Variants in CYP7B1 observed in about 807,000 individuals in gnomAD.
CYP7B1 encodes cytochrome P450 family 7 subfamily B member 1.
CYP7B1 carries 29 observed loss-of-function variants against 42.7 expected under a neutral mutation model. That is an observed-to-expected ratio of 0.68 (90% CI 0.51 to 0.93). The LOEUF (loss-of-function observed/expected upper bound fraction) is 0.93, where lower values mean the gene tolerates loss of function less well. Ranked by LOEUF, CYP7B1 falls within the 40% of genes least tolerant of loss-of-function variation. CYP7B1 has a pLI of 0.00. For synonymous variants in CYP7B1, 235 were observed against 218.2 expected, an observed-to-expected ratio of 1.08 and a Z score of -0.68; for missense variants, 655 against 600.5, an observed-to-expected ratio of 1.09 and a Z score of -0.95.
intron 1 of CYP7B1, among the ~76,000 whole-genome samples, chr8:64,701,679 T>C (rs779473913): frequency 3.0e-4 from 45 of 152,026 alleles, no homozygotes; most frequent in African/African-American, 1.0e-3. Context: ...AAAACAGAGA[T>C]AGGCAAGGAG....
intron 2 of CYP7B1, among the ~76,000 whole-genome samples, chr8:64,623,176 G>A (rs568104389): frequency 6.6e-6 from 1 of 152,298 alleles, no homozygotes; most frequent in South Asian, 2.1e-4. Context: ...CCCATGCAAT[G>A]TGACTCTGCT....
intron 1 of CYP7B1, among the ~76,000 whole-genome samples, chr8:64,699,165 G>C (rs1806875812): frequency 5.3e-5 from 8 of 152,082 alleles, no homozygotes; most frequent in Admixed American, 5.2e-4. Flanking sequence ...TCCAGCACTT[G>C]TCAAAACCTC....
At chr8:64,678,348 T>TAAG (rs1373500648) in intron 1 of CYP7B1, among the ~76,000 whole-genome samples, 1 of 152,056 alleles carries the variant, frequency 6.6e-6, no homozygotes, top group Non-Finnish European at 1.5e-5. Flanking sequence ...GATCCATACT[T>TAAG]AGAGAGGCAT....
intron 1 of CYP7B1, among the ~76,000 whole-genome samples, chr8:64,795,378 C>G (rs1385890809): frequency 2.6e-5 from 4 of 152,240 alleles, no homozygotes; most frequent in African/African-American, 9.6e-5. Flanking sequence ...CCAGGCCCTC[C>G]TCTTCTCCAT....
intron 1 of CYP7B1, among the ~76,000 whole-genome samples, chr8:64,797,609 C>A (rs1254794429): frequency 6.6e-6 from 1 of 152,086 alleles, no homozygotes; most frequent in Non-Finnish European, 1.5e-5. Context: ...TCACTTCCCC[C>A]AAAACTATTG....
At chr8:64,664,098 G>A (rs1806240148) in intron 1 of CYP7B1, among the ~76,000 whole-genome samples, 1 of 152,154 alleles carries the variant, frequency 6.6e-6, no homozygotes, top group Admixed American at 6.5e-5. Context: ...AGCAGCTGCT[G>A]TTTCTCACTG....
At chr8:64,784,683 G>A (rs1222328017) in intron 1 of CYP7B1, among the ~76,000 whole-genome samples, 2 of 152,146 alleles carry the variant, frequency 1.3e-5, no homozygotes, top group Non-Finnish European at 2.9e-5. Flanking sequence ...GCCACTATAT[G>A]AAGCTGCCTT....
chr8:64,738,749 T>C (rs1807526879), intron 1 of CYP7B1, among the ~76,000 whole-genome samples: 1 of 152,196 alleles, frequency 6.6e-6, no homozygotes, highest in African/African-American at 2.4e-5. Context: ...CAGGGCAAAC[T>C]GCCACCCCAA....
chr8:64,718,079 C>T (rs1027861956), intron 1 of CYP7B1, among the ~76,000 whole-genome samples: 2 of 151,538 alleles, frequency 1.3e-5, no homozygotes, highest in Non-Finnish European at 2.9e-5. Context: ...ATTAAAGGAA[C>T]AACTCAAGCT....
At chr8:64,683,589 T>G (rs1806572809) in intron 1 of CYP7B1, among the ~76,000 whole-genome samples, 1 of 152,210 alleles carries the variant, frequency 6.6e-6, no homozygotes, top group Non-Finnish European at 1.5e-5. Context: ...AAAAAGAGTG[T>G]AATTGGATTG....
rs1406569742 is a variant in CYP7B1 at position 64,594,789 on chromosome 8, A to G, written c.*1853T>C. On this transcript the variant is annotated 3_prime_UTR_variant, in exon 6 of 6. Coordinates refer to ENST00000310193, the MANE Select transcript of CYP7B1 (RefSeq NM_004820.5). Reference sequence around the variant, plus strand: ...ATTACATGGAGTGTAAGTTAGAGATACAAAGTGTGGTGAGAAAAGATCAAA... The same window carrying G: ...ATTACATGGAGTGTAAGTTAGAGATGCAAAGTGTGGTGAGAAAAGATCAAA... Among the ~76,000 whole-genome samples, 2 of 152,242 alleles carry G rather than the reference A, an allele frequency of 1.3e-5. No individual in the cohort carries two copies. Among genetic ancestry groups the G allele is most frequent in the African/African-American group, 4.8e-5 (2 of 41,470 alleles).
chr8:64,644,614 GTAA>G (rs1342844613), intron 1 of CYP7B1, among the ~76,000 whole-genome samples: 2 of 152,274 alleles, frequency 1.3e-5, no homozygotes, highest in East Asian at 3.9e-4. Flanking sequence ...TCAATAAGCA[GTAA>G]TAGTTTGAAA....
At chr8:64,647,605 G>T (rs1035269891) in intron 1 of CYP7B1, among the ~76,000 whole-genome samples, 1 of 152,176 alleles carries the variant, frequency 6.6e-6, no homozygotes, top group Non-Finnish European at 1.5e-5. Flanking sequence ...GAGTCCAAAG[G>T]CCTGAGAACC....
intron 1 of CYP7B1, among the ~76,000 whole-genome samples, chr8:64,782,605 A>G (rs1157687249): frequency 3.3e-5 from 5 of 152,182 alleles, no homozygotes; most frequent in African/African-American, 1.2e-4. Context: ...GCACTCTAAG[A>G]TATTCTTCTG....
intron 4 of CYP7B1, among the ~76,000 whole-genome samples, chr8:64,613,643 C>T (rs1422310316): frequency 6.6e-6 from 1 of 151,926 alleles, no homozygotes; most frequent in African/African-American, 2.4e-5. Flanking sequence ...AATTTGTTCC[C>T]CAATAATTCT....
At chr8:64,781,043 T>C (rs952805584) in intron 1 of CYP7B1, among the ~76,000 whole-genome samples, 3 of 152,176 alleles carry the variant, frequency 2.0e-5, no homozygotes, top group Non-Finnish European at 4.4e-5. Flanking sequence ...TGTGAATCTA[T>C]GGGTAAGGAA....
chr8:64,600,699 G>A (rs1428171480), intron 5 of CYP7B1, among the ~76,000 whole-genome samples: 1 of 152,062 alleles, frequency 6.6e-6, no homozygotes, highest in Non-Finnish European at 1.5e-5. Flanking sequence ...CTTCACATTA[G>A]TAACATGAAA....
chr8:64,621,990 C>T (rs1311393227), intron 2 of CYP7B1, among the ~76,000 whole-genome samples: 1 of 151,954 alleles, frequency 6.6e-6, no homozygotes, highest in Non-Finnish European at 1.5e-5. Context: ...GATCCACCCG[C>T]CTCAGACTGG....
At chr8:64,761,247 G>A (rs570356978) in intron 1 of CYP7B1, among the ~76,000 whole-genome samples, 24 of 152,232 alleles carry the variant, frequency 1.6e-4, no homozygotes, top group African/African-American at 5.8e-4. Flanking sequence ...AGGTGACTAA[G>A]TTTTAGAGAT....
Sources: allele counts gnomAD v4.1 joint callset (sites outside exome capture counted in the v4.1 genomes callset), GRCh38; gene constraint gnomAD v4.1.1; transcripts MANE v1.5; gene names NCBI Gene and HGNC (gene_info 2026-07-23, HGNC 2026-07-21).